Variants in PMF1 observed in about 807,000 individuals in gnomAD.
PMF1 encodes polyamine modulated factor 1.
In PMF1, 21 loss-of-function variants were observed where a neutral mutation model predicts 26.7. The observed-to-expected ratio is 0.79, with a 90% CI of 0.56 to 1.13. PMF1 has a LOEUF of 1.13. Ranked by LOEUF, PMF1 falls within the 50% of genes most tolerant of loss-of-function variation. PMF1 has a pLI of 0.00. For synonymous variants in PMF1, 105 were observed against 101.0 expected (o/e 1.04, Z -0.24); for missense variants, 266 against 254.9 (o/e 1.04, Z -0.30).
chr1:156,234,095 G>T (rs893246973), intron 3 of PMF1, among the ~76,000 whole-genome samples: 1 of 152,170 alleles, frequency 6.6e-6, no homozygotes, highest in African/African-American at 2.4e-5. Flanking sequence ...ACTTTTAAAA[G>T]GCTGACCCTG....
At chr1:156,215,176 G>A (rs960948044) in intron 1 of PMF1, among the ~76,000 whole-genome samples, 4 of 151,728 alleles carry the variant, frequency 2.6e-5, no homozygotes, top group Non-Finnish European at 4.4e-5. Context: ...GCACCCAGGC[G>A]GAACCACCTT....
At chr1:156,237,489 C>T (rs992044385) in intron 4 of PMF1, among the ~76,000 whole-genome samples, 1 of 149,322 alleles carries the variant, frequency 6.7e-6, no homozygotes, top group Non-Finnish European at 1.5e-5. Context: ...CTCTGTTGCC[C>T]AGGCTGGAGT....
intron 1 of PMF1, 82 bp from the exon 2 acceptor site, chr1:156,232,238 T>G: frequency 8.2e-7 from 1 of 1,219,346 alleles, no homozygotes; most frequent in South Asian, 1.2e-5. Context: ...AGTCCTGTAA[T>G]GCGAAGCGGA....
At chr1:156,233,586 C>T (rs1658838405) in intron 2 of PMF1, 42 bp from the exon 3 acceptor site, 15 of 1,598,130 alleles carry the variant, frequency 9.4e-6, no homozygotes, top group Non-Finnish European at 1.3e-5. Flanking sequence ...TTGCCATGAG[C>T]TCATCTCGTG....
chr1:156,232,372 A>G lies in PMF1; in HGVS notation c.214A>G (p.Met72Val). 1 of 1,614,062 alleles carries G rather than the reference A, an allele frequency of 6.2e-7. No homozygotes were observed. Among genetic ancestry groups the G allele is most frequent in the Non-Finnish European group, 8.5e-7 (1 of 1,179,920 alleles). The change falls in exon 2 of 5, where the codon ATG becomes GTG. Residue 72 changes from methionine (M) to valine (V), a missense_variant. Physicochemically the swap from Met to Val is conservative, Grantham distance 21. Coordinates refer to ENST00000368277, the MANE Select transcript of PMF1 (RefSeq NM_007221.4). ...GTGCTTCTACCAGTTGCAGCCTGCG[A>G]TGACACAGCAAATCTATGACAAGTT... ...YKCFYQLQPAMTQQIYDKFIA... is the reference protein window; with the variant it reads ...YKCFYQLQPAVTQQIYDKFIA...
chr1:156,227,063 C>T (rs377176662), intron 1 of PMF1, among the ~76,000 whole-genome samples: 1 of 152,182 alleles, frequency 6.6e-6, no homozygotes, highest in Non-Finnish European at 1.5e-5. Context: ...GTCTACAGAG[C>T]GTCTTACATG....
intron 4 of PMF1, among the ~76,000 whole-genome samples, chr1:156,238,836 T>C (rs1392514107): frequency 6.6e-6 from 1 of 151,454 alleles, no homozygotes; most frequent in African/African-American, 2.4e-5. Flanking sequence ...CATCACAGAC[T>C]GGCCTGGGGG....
intron 1 of PMF1, among the ~76,000 whole-genome samples, chr1:156,220,317 C>T (rs908009653): frequency 6.6e-6 from 1 of 152,114 alleles, no homozygotes; most frequent in African/African-American, 2.4e-5. Context: ...GCCTCAGCGT[C>T]CTGAGTAGCT....
At chr1:156,228,931 C>T (rs978004225) in intron 1 of PMF1, among the ~76,000 whole-genome samples, 3 of 152,064 alleles carry the variant, frequency 2.0e-5, no homozygotes, top group Non-Finnish European at 4.4e-5. Context: ...TTTTTTGAGA[C>T]GGAGTCTTGC....
At chr1:156,233,201 T>C (rs1158144306) in intron 2 of PMF1, among the ~76,000 whole-genome samples, 2 of 152,184 alleles carry the variant, frequency 1.3e-5, no homozygotes, top group African/African-American at 4.8e-5. Flanking sequence ...TTGCCCAGGC[T>C]ATAGTGCAGT....
At chr1:156,228,256 ATTTTTTTTTTT>A (rs772709878) in intron 1 of PMF1, among the ~76,000 whole-genome samples, 10 of 33,566 alleles carry the variant, frequency 3.0e-4, no homozygotes, top group East Asian at 1.8e-3. Context: ...GCACCTGGCG[ATTTTTTTTTTT>A]TTTTTTTTTT....
At chr1:156,235,415 C>T (rs1460803968) in intron 3 of PMF1, among the ~76,000 whole-genome samples, 7 of 150,292 alleles carry the variant, frequency 4.7e-5, no homozygotes, top group South Asian at 2.1e-4. Context: ...TGAGCCACCG[C>T]GCTCAGCCAT....
chr1:156,213,244 C>T, intron 1 of PMF1, 68 bp downstream of exon 1: 1 of 1,575,640 alleles, frequency 6.3e-7, no homozygotes, highest in Non-Finnish European at 8.6e-7. Flanking sequence ...GAGGTCAGGA[C>T]GGCCGCAGGC....
chr1:156,239,879 C>T lies in PMF1; in HGVS notation c.*278C>T, dbSNP rs1659248371. ...TCTCTTCTCTAGGTTCAGGTCAGCT[C>T]TGCCCCTCCGCCCCCCTCCTGCTGG... On this transcript the variant is annotated 3_prime_UTR_variant, in exon 5 of 5. Coordinates refer to ENST00000368277, the MANE Select transcript of PMF1 (RefSeq NM_007221.4). 2.4e-6 allele frequency: 1 copy of T among 416,504 alleles called. No individual in the cohort carries two copies. 25.8% of individuals were successfully genotyped at this position (416,504 alleles called of 1,614,324 possible).
At chr1:156,231,173 C>T (rs578120483) in intron 1 of PMF1, among the ~76,000 whole-genome samples, 175 of 140,124 alleles carry the variant, frequency 1.2e-3, no homozygotes, top group Non-Finnish European at 2.0e-3. Context: ...GCCGAGATCG[C>T]GCCACTGCAC....
intron 4 of PMF1, 137 bp from the exon 5 acceptor site, chr1:156,239,411 C>A: frequency 1.5e-6 from 1 of 671,936 alleles, no homozygotes; most frequent in Non-Finnish European, 2.7e-6. Flanking sequence ...ACATGCTCTG[C>A]AGGGCCCATG....
chr1:156,232,123 C>T (rs191903628), intron 1 of PMF1, among the ~76,000 whole-genome samples, 197 bp from the exon 2 acceptor site: 1 of 152,292 alleles, frequency 6.6e-6, no homozygotes, highest in Non-Finnish European at 1.5e-5. Context: ...AGTGAGGATG[C>T]TGATGGGGCA....
intron 3 of PMF1, among the ~76,000 whole-genome samples, chr1:156,234,038 T>C (rs1658864853): frequency 6.6e-6 from 1 of 151,802 alleles, no homozygotes; most frequent in African/African-American, 2.4e-5. Flanking sequence ...AGTTCAAGAG[T>C]TCAGAACCAG....
In PMF1 at chr1:156,214,768, T is replaced by C. The variant is rs1461965813; in HGVS notation, c.161+1592T>C. The stretch of plus-strand genomic sequence containing the variant: ...TAAAAAAGAAAAAAAAAAAAGATAA[T>C]GAACAGGTAATGATACCACTAGATA... On this transcript the variant is annotated intron_variant, in intron 1 of 4. Coordinates refer to ENST00000368277, the MANE Select transcript of PMF1 (RefSeq NM_007221.4). Among the ~76,000 whole-genome samples the C allele has an allele frequency of 4.0e-5, 6 of 151,046 alleles. No homozygotes were observed. In the East Asian group the frequency reaches 1.2e-3, roughly 30 times the overall value.
Sources: gnomAD v4.1 joint callset for allele counts (sites outside exome capture counted in the v4.1 genomes callset) on GRCh38, gnomAD v4.1.1 for gene constraint, MANE v1.5 for transcripts, NCBI Gene and HGNC (gene_info 2026-07-23, HGNC 2026-07-21) for gene names.